The following ITGAE variants were observed in gnomAD, a reference collection of about 807,000 sequenced individuals.
ITGAE encodes integrin alpha-E.
Under a neutral mutation model 136.5 loss-of-function variants are expected in ITGAE, and 99 were observed. The ratio of observed to expected loss-of-function variants is 0.73; its 90% CI spans 0.62 to 0.86. ITGAE has a LOEUF of 0.86. Ranked by LOEUF, ITGAE falls within the 40% of genes least tolerant of loss-of-function variation. The pLI, the probability that ITGAE is intolerant of heterozygous loss-of-function variation, is 0.00. For synonymous variants in ITGAE, 613 were observed against 591.8 expected (o/e 1.04, Z -0.52); for missense variants, 1,447 against 1,515.3 (o/e 0.95, Z 0.75).
At chr17:3,757,260 C>T in intron 9 of ITGAE, 126 bp from the exon 10 acceptor site, 1 of 1,181,890 alleles carries the variant, frequency 8.5e-7, no homozygotes, top group Non-Finnish European at 1.2e-6. Context: ...CCTTTCTCCT[C>T]CTTTCCCTGC....
intron 1 of ITGAE, among the ~76,000 whole-genome samples, chr17:3,783,664 A>AT (rs2052714841): frequency 6.6e-6 from 1 of 152,108 alleles, no homozygotes; most frequent in Non-Finnish European, 1.5e-5. Context: ...TGATGCAAAT[A>AT]TTTTTTCCAA....
intron 2 of ITGAE, among the ~76,000 whole-genome samples, chr17:3,772,542 C>T (rs1014040390): frequency 1.3e-5 from 2 of 151,412 alleles, no homozygotes; most frequent in Non-Finnish European, 2.9e-5. Context: ...CGGCTCACTG[C>T]AAGCTCCGCC....
At chr17:3,771,106 AAAG>A (rs1385456175) in intron 2 of ITGAE, among the ~76,000 whole-genome samples, 5 of 152,134 alleles carry the variant, frequency 3.3e-5, no homozygotes, top group East Asian at 3.9e-4. Context: ...TAAAAAAAAA[AAAG>A]AACATTCATC....
intron 26 of ITGAE, chr17:3,724,278 C>A (rs1271438702): frequency 5.0e-6 from 8 of 1,589,250 alleles, no homozygotes; most frequent in Non-Finnish European, 6.0e-6. Context: ...GACCCCAAGA[C>A]GCCTGGGGCT....
At chr17:3,800,499 G>A (rs1597382555) in intron 1 of ITGAE, among the ~76,000 whole-genome samples, 1 of 152,310 alleles carries the variant, frequency 6.6e-6, no homozygotes, top group African/African-American at 2.4e-5. Context: ...TCATGGCTTG[G>A]CTTGCCCAGA....
intron 2 of ITGAE, among the ~76,000 whole-genome samples, chr17:3,771,317 C>T (rs1022822078): frequency 3.9e-5 from 6 of 152,152 alleles, no homozygotes; most frequent in Admixed American, 6.6e-5. Flanking sequence ...CCGTATGCCT[C>T]GTTGATACTA....
intron 30 of ITGAE, among the ~76,000 whole-genome samples, chr17:3,715,896 A>C (rs11658602): frequency 0.53 from 80,231 of 151,588 alleles, 22,093 homozygotes; most frequent in African/African-American, 0.64. Context: ...GTGGTTCATG[A>C]CTGTAATCCC....
chr17:3,761,139 C>G lies in ITGAE; in HGVS notation c.472G>C (p.Asp158His). The G allele has an allele frequency of 6.2e-7, 1 of 1,613,366 alleles. No homozygotes were observed. Among genetic ancestry groups the G allele is most frequent in the South Asian group, 1.1e-5 (1 of 91,086 alleles). Residue 158 changes from aspartate to histidine, a missense_variant, in exon 6 of 31, where the codon GAC becomes CAC. Asp to His is a moderately conservative substitution (Grantham distance 81). Transcript: ENST00000263087. ...LDPDARVDTG[D>H]CYSNKEGGGE... ...CCGCCTTCTTTGTTGCTGTAGCAGT[C>G]TCCAGTGTCCACACGTGCATCTGGA... is the stretch of plus-strand genomic sequence containing the variant.
chr17:3,716,764 T>C lies in ITGAE; in HGVS notation c.3368A>G (p.His1123Arg), dbSNP rs767100731. The C allele has an allele frequency of 6.2e-7, 1 of 1,608,214 alleles. No individual in the cohort carries two copies. ...GCCTTTAATGATGATAGGCAAAGAATGGTACTTCTCATCTTTCAGGAAGAC... is the reference window on the plus strand; with the variant it reads ...GCCTTTAATGATGATAGGCAAAGAACGGTACTTCTCATCTTTCAGGAAGAC... ...TVVFLKDEKY[H>R]SLPIIIKGSV... Residue 1123 changes from histidine (H) to arginine (R), a missense_variant, in exon 30 of 31, where the codon CAT (histidine) becomes CGT (arginine). This residue lies in a region of ITGAE where 1,031 missense variants were observed against 1,011.4 expected (regional missense o/e 1.02). Coordinates refer to ENST00000263087, the MANE Select transcript of ITGAE (RefSeq NM_002208.5).
intron 17 of ITGAE, among the ~76,000 whole-genome samples, chr17:3,746,219 G>A (rs2051710553): frequency 1.3e-5 from 2 of 152,266 alleles, no homozygotes; most frequent in African/African-American, 4.8e-5. Flanking sequence ...CGAGATTGAA[G>A]AAGAAAATAA....
Position 3,755,704 on chromosome 17 carries a change from G to T in ITGAE, c.1239+126C>A. 4.9e-6 allele frequency: 3 copies of T among 606,782 alleles called. No individual in the cohort carries two copies. In the South Asian group the frequency reaches 7.7e-5, roughly 16 times the overall value. The allele number at this position is 606,782 out of a possible 1,614,324, so 37.6% of individuals were successfully genotyped here. ...TAAATTAATTAATTAAAATAAAATC[G>T]CTCTTTTACAGGAATCACCACAGGT... On this transcript the variant is annotated intron_variant, in intron 11 of 30. Coordinates refer to ENST00000263087, the MANE Select transcript of ITGAE (RefSeq NM_002208.5).
intron 1 of ITGAE, among the ~76,000 whole-genome samples, chr17:3,791,860 C>T (rs1397765608): frequency 1.3e-5 from 2 of 152,156 alleles, no homozygotes; most frequent in African/African-American, 2.4e-5. Flanking sequence ...AAGGGGAACA[C>T]AAAATACATT....
At chr17:3,797,303 C>A (rs1322280797) in intron 1 of ITGAE, among the ~76,000 whole-genome samples, 1 of 144,318 alleles carries the variant, frequency 6.9e-6, no homozygotes, top group East Asian at 2.1e-4. Context: ...GTAGCTGGGA[C>A]TACAGGCACC....
chr17:3,726,449 A>G (rs2051216048), intron 26 of ITGAE: 2 of 688,226 alleles, frequency 2.9e-6, no homozygotes, highest in Admixed American at 2.6e-5. Flanking sequence ...GTTTCCAGTC[A>G]GCTTTTCAAA....
chr17:3,753,051 AAAC>A (rs1172913349), intron 14 of ITGAE, among the ~76,000 whole-genome samples: 2 of 152,216 alleles, frequency 1.3e-5, no homozygotes, highest in Admixed American at 1.3e-4. Flanking sequence ...TCCATCTCAA[AAAC>A]AACAACCACA....
chr17:3,739,742 A>G (rs2051539821), intron 20 of ITGAE, 63 bp downstream of exon 20: 2 of 1,404,108 alleles, frequency 1.4e-6, no homozygotes, highest in African/African-American at 2.8e-5. Flanking sequence ...TAATGAAGGA[A>G]TTGCCCAGGC....
At chr17:3,723,984 G>T (rs1182396595) in intron 26 of ITGAE, 1 of 1,592,942 alleles carries the variant, frequency 6.3e-7, no homozygotes. Flanking sequence ...CCGCACATAT[G>T]GGGCTGCGGA....
At chr17:3,721,467 G>C (rs550903344) in intron 28 of ITGAE, among the ~76,000 whole-genome samples, 1 of 151,318 alleles carries the variant, frequency 6.6e-6, no homozygotes, top group South Asian at 2.1e-4. Context: ...TTTAAGAAAT[G>C]GGGTTTCACT....
At chr17:3,750,600 G>T in intron 15 of ITGAE, 118 bp from the exon 16 acceptor site, 1 of 1,238,022 alleles carries the variant, frequency 8.1e-7, no homozygotes, top group South Asian at 1.5e-5. Context: ...AGGGAGCCCC[G>T]AGTCTAGAAC....
Sources: gnomAD v4.1 joint callset for allele counts (sites outside exome capture counted in the v4.1 genomes callset) on GRCh38, gnomAD v4.1.1 for gene constraint, gnomAD v4.1.1 regional missense constraint, MANE v1.5 for transcripts, NCBI Gene and HGNC (gene_info 2026-07-23, HGNC 2026-07-21) for gene names.